The following ASXL1 variants were observed in gnomAD, a reference collection of about 807,000 sequenced individuals.
ASXL1 encodes polycomb group protein ASXL1.
In ASXL1, 65 loss-of-function variants were observed where a neutral mutation model predicts 89.1. The observed-to-expected ratio is 0.73, with a 90% CI of 0.60 to 0.90. The LOEUF (loss-of-function observed/expected upper bound fraction) is 0.90, where lower values mean the gene tolerates loss of function less well. Among genes scored for constraint, ASXL1 ranks in the 40% least tolerant of loss-of-function variants. The pLI is 0.00. For synonymous variants in ASXL1, 739 were observed against 746.9 expected (o/e 0.99, Z 0.17); for missense variants, 1,786 against 1,942.9 (o/e 0.92, Z 1.52).
At chr20:32,381,800 T>C (rs6141696) in intron 4 of ASXL1, among the ~76,000 whole-genome samples, 53,250 of 151,532 alleles carry the variant, frequency 0.35, 10,355 homozygotes, top group East Asian at 0.74. Context: ...AGGCATGAGC[T>C]ACCGCGCCTG....
chr20:32,397,409 T>TC (rs888252739), intron 4 of ASXL1, among the ~76,000 whole-genome samples: 1 of 139,666 alleles, frequency 7.2e-6, no homozygotes, highest in Non-Finnish European at 1.6e-5. Flanking sequence ...CTTTTTTTTT[T>TC]TTTTTTTTGA....
At chr20:32,366,523 T>C (rs1324274840) in intron 2 of ASXL1, 57 bp downstream of exon 2, 3 of 1,612,836 alleles carry the variant, frequency 1.9e-6, no homozygotes, top group Non-Finnish European at 2.5e-6. Context: ...TGTCTTTCTG[T>C]AGTTGTAGTG....
intron 4 of ASXL1, among the ~76,000 whole-genome samples, chr20:32,404,331 A>G (rs2048920501): frequency 6.6e-6 from 1 of 152,136 alleles, no homozygotes; most frequent in Non-Finnish European, 1.5e-5. Context: ...TTTTATCAGC[A>G]TTTCATAGGT....
chr20:32,422,524 C>T (rs983941098), intron 4 of ASXL1, among the ~76,000 whole-genome samples: 3 of 144,448 alleles, frequency 2.1e-5, no homozygotes, highest in African/African-American at 5.2e-5. Flanking sequence ...ATTGTCTTCA[C>T]ACTCCCCATC....
intron 4 of ASXL1, among the ~76,000 whole-genome samples, chr20:32,408,925 C>T (rs1412148305): frequency 1.3e-5 from 2 of 151,910 alleles, no homozygotes; most frequent in African/African-American, 4.8e-5. Context: ...TGAGGTCTTG[C>T]ATGCCTTAAC....
chr20:32,399,457 G>A (rs1480752349), intron 4 of ASXL1, among the ~76,000 whole-genome samples: 1 of 144,324 alleles, frequency 6.9e-6, no homozygotes, highest in Admixed American at 6.9e-5. Flanking sequence ...GTTCATTGAT[G>A]TTCTTGGATA....
chr20:32,418,163 G>A (rs2049170222), intron 4 of ASXL1, among the ~76,000 whole-genome samples: 1 of 151,500 alleles, frequency 6.6e-6, no homozygotes, highest in South Asian at 2.1e-4. Flanking sequence ...AGATGACAGA[G>A]CAAGACTCTG....
chr20:32,382,277 T>C (rs190700152), intron 4 of ASXL1, among the ~76,000 whole-genome samples: 1 of 152,208 alleles, frequency 6.6e-6, no homozygotes, highest in African/African-American at 2.4e-5. Flanking sequence ...ACCCGGCCTC[T>C]TGCCCTCTTT....
Position 32,405,425 on chromosome 20 carries a change from G to A in ASXL1, c.253-22703G>A, listed in dbSNP as rs2048939104. Among the ~76,000 whole-genome samples the A allele has an allele frequency of 2.0e-5, 3 of 152,148 alleles. No individual in the cohort carries two copies. The South Asian group carries it at 6.2e-4, about 31-fold the overall frequency. ...AATGTTTTAGTATATTTGCCTTAAA[G>A]TTAATGACATTCTCCTTGCTACCTG... is the stretch of plus-strand genomic sequence containing the variant. On this transcript the variant is annotated intron_variant, in intron 4 of 12. Transcript: ENST00000375687.
chr20:32,359,002 C>A, intron 1 of ASXL1, 170 bp downstream of exon 1: 2 of 722,630 alleles, frequency 2.8e-6, no homozygotes, highest in Non-Finnish European at 4.4e-6. Context: ...GGGAGCGCTC[C>A]GCCGGGATGG....
At chr20:32,360,149 TAC>T (rs1372416349) in intron 1 of ASXL1, 30 of 225,450 alleles carry the variant, frequency 1.3e-4, no homozygotes, top group African/African-American at 6.5e-4. Context: ...CTGTAAAAGT[TAC>T]AGATTTATAA....
At chr20:32,409,613 C>T (rs2049011223) in intron 4 of ASXL1, among the ~76,000 whole-genome samples, 1 of 152,080 alleles carries the variant, frequency 6.6e-6, no homozygotes, top group Non-Finnish European at 1.5e-5. Flanking sequence ...GTGGTATACA[C>T]CTATAGTCTT....
At chr20:32,358,956 C>T (rs1196645924) in intron 1 of ASXL1, 124 bp downstream of exon 1, 9 of 1,060,826 alleles carry the variant, frequency 8.5e-6, no homozygotes, top group African/African-American at 3.4e-5. Context: ...GGCCATCTTC[C>T]TTTAAGAACG....
intron 1 of ASXL1, among the ~76,000 whole-genome samples, chr20:32,364,784 A>T (rs1175369235): frequency 2.6e-5 from 4 of 152,220 alleles, no homozygotes; most frequent in Non-Finnish European, 5.9e-5. Flanking sequence ...GTTCTACCAG[A>T]GCAGGGATTT....
chr20:32,421,937 C>T (rs1379749484), intron 4 of ASXL1, among the ~76,000 whole-genome samples: 8 of 136,962 alleles, frequency 5.8e-5, no homozygotes, highest in East Asian at 2.3e-4. Context: ...GGCGTGATCT[C>T]GGCTCACTGC....
At position 32,419,993 on chromosome 20, in the gene ASXL1, T is replaced by C. The variant is rs537937524; in HGVS notation, c.253-8135T>C. Among the ~76,000 whole-genome samples the C allele has an allele frequency of 2.1e-3, 327 of 152,218 alleles. 3 individuals are homozygous for C. Among genetic ancestry groups the C allele is most frequent in the African/African-American group, 7.0e-3 (292 of 41,540 alleles). On this transcript the variant is annotated intron_variant, in intron 4 of 12. Coordinates refer to ENST00000375687, the MANE Select transcript of ASXL1 (RefSeq NM_015338.6). ...CCACACCCGGCTGATGGATAAATTTTCTAATTGATGATGTTAATTGGTGAT... is the reference window on the plus strand; with the variant it reads ...CCACACCCGGCTGATGGATAAATTTCCTAATTGATGATGTTAATTGGTGAT...
At chr20:32,372,546 T>G (rs186113486) in intron 4 of ASXL1, 215 of 341,010 alleles carry the variant, frequency 6.3e-4, no homozygotes, top group African/African-American at 4.4e-3. Context: ...ATATATTTAA[T>G]GAACGAATTT....
At chr20:32,392,161 T>C (rs772261083) in intron 4 of ASXL1, among the ~76,000 whole-genome samples, 1 of 152,060 alleles carries the variant, frequency 6.6e-6, no homozygotes, top group African/African-American at 2.4e-5. Context: ...CCACCCAGGC[T>C]GGGGTGCTAG....
chr20:32,366,559 T>C, intron 2 of ASXL1, 93 bp downstream of exon 2: 1 of 1,601,206 alleles, frequency 6.2e-7, no homozygotes, highest in South Asian at 1.1e-5. Context: ...CCTGTGTATG[T>C]ATTTGTGCTT....
Sources: allele counts gnomAD v4.1 joint callset (sites outside exome capture counted in the v4.1 genomes callset), GRCh38; gene constraint gnomAD v4.1.1; transcripts MANE v1.5; gene names NCBI Gene and HGNC (gene_info 2026-07-23, HGNC 2026-07-21).